Variants in CCDC15 observed in about 807,000 individuals in gnomAD.
CCDC15 encodes coiled-coil domain-containing protein 15.
A neutral mutation model predicts 114.5 loss-of-function variants in CCDC15; 105 were observed. The observed-to-expected ratio is 0.92, with a 90% CI of 0.78 to 1.08. The LOEUF (loss-of-function observed/expected upper bound fraction) is 1.08, where lower values mean the gene tolerates loss of function less well. Ranked by LOEUF, CCDC15 falls within the 50% of genes least tolerant of loss-of-function variation. The probability of loss-of-function intolerance (pLI) is 0.00; values close to 1 mark genes in which losing one functional copy is unlikely to be tolerated. For missense variants in CCDC15, 1,105 were observed against 1,093.6 expected (o/e 1.01, Z -0.15); for synonymous variants, 334 against 377.8 (o/e 0.88, Z 1.34).
At chr11:125,031,715 C>G (rs1197584135) in intron 13 of CCDC15, among the ~76,000 whole-genome samples, 1 of 152,230 alleles carries the variant, frequency 6.6e-6, no homozygotes, top group African/African-American at 2.4e-5. Context: ...GCATCCTTAT[C>G]TGCCACTGAC....
At chr11:124,991,060 G>A (rs1040222822) in intron 8 of CCDC15, among the ~76,000 whole-genome samples, 3 of 152,166 alleles carry the variant, frequency 2.0e-5, no homozygotes, top group African/African-American at 7.2e-5. Flanking sequence ...CATTCTTAAC[G>A]GAGCAATTGA....
intron 5 of CCDC15, among the ~76,000 whole-genome samples, chr11:124,976,938 A>G (rs1947983844): frequency 6.6e-6 from 1 of 152,116 alleles, no homozygotes; most frequent in African/African-American, 2.4e-5. Context: ...ACTCAATACA[A>G]TTGGGAATGA....
chr11:124,963,406 T>C (rs1055052448), intron 4 of CCDC15, among the ~76,000 whole-genome samples: 31 of 152,346 alleles, frequency 2.0e-4, no homozygotes, highest in African/African-American at 6.7e-4. Context: ...TGATGAGCAT[T>C]TTTTCATGTG....
chr11:125,003,191 G>T (rs1279165540), intron 11 of CCDC15, among the ~76,000 whole-genome samples: 1 of 151,732 alleles, frequency 6.6e-6, no homozygotes, highest in African/African-American at 2.4e-5. Context: ...TTTCTAGATT[G>T]TTCTTTACAA....
chr11:125,035,836 AAACT>A (rs1189250106), intron 13 of CCDC15, among the ~76,000 whole-genome samples: 2 of 152,354 alleles, frequency 1.3e-5, no homozygotes, highest in South Asian at 2.1e-4. Flanking sequence ...TTACATAAAC[AAACT>A]AACAAGTAAA....
chr11:124,972,402 C>T (rs1947901864), intron 4 of CCDC15, among the ~76,000 whole-genome samples: 1 of 152,112 alleles, frequency 6.6e-6, no homozygotes, highest in South Asian at 2.1e-4. Flanking sequence ...GACATTCACA[C>T]AATTACATAT....
chr11:125,040,946 T>C lies in CCDC15; in HGVS notation c.*235T>C. ...ATACGGAGCCTATTATTTTAAAATA[T>C]GATCAGACAAGTAAGGCTTCTCTTA... On this transcript the variant is annotated 3_prime_UTR_variant, in exon 16 of 16. Transcript: ENST00000344762. 2.2e-6 allele frequency: 1 copy of C among 452,556 alleles called. No homozygotes were observed. The highest frequency in any genetic ancestry group is 3.3e-5 in the South Asian group (1 of 30,452). 28.0% of individuals were successfully genotyped at this position (452,556 alleles called of 1,614,324 possible).
At chr11:125,020,433 A>C (rs537889427) in intron 13 of CCDC15, among the ~76,000 whole-genome samples, 4 of 152,098 alleles carry the variant, frequency 2.6e-5, no homozygotes, top group African/African-American at 9.6e-5. Context: ...TAAGTTGTTG[A>C]AATTGTAAGA....
At chr11:125,034,223 C>T (rs114859528) in intron 13 of CCDC15, among the ~76,000 whole-genome samples, 9,802 of 151,918 alleles carry the variant, frequency 0.065, 368 homozygotes, top group African/African-American at 0.1. Flanking sequence ...CTGTTTCTTC[C>T]GGCAAAAAAA....
In CCDC15 at chr11:124,977,458, T is replaced by C; in HGVS notation, c.631-20T>C. ...TGCTTCCTCTAGACCTATTTATATT[T>C]GTAGTAATTTTTTTTCCAGGAAGTG... On this transcript the variant is annotated intron_variant, in intron 5 of 15. Transcript: ENST00000344762. The C allele has an allele frequency of 9.6e-6, 15 of 1,563,478 alleles. No homozygotes were observed. The highest frequency in any genetic ancestry group is 1.3e-5 in the Non-Finnish European group (15 of 1,155,876).
chr11:124,986,434 T>C (rs528220628), intron 6 of CCDC15, among the ~76,000 whole-genome samples: 47 of 152,338 alleles, frequency 3.1e-4, no homozygotes, highest in Non-Finnish European at 6.6e-4. Flanking sequence ...TTGAGAAATA[T>C]TACCATCTTA....
intron 4 of CCDC15, among the ~76,000 whole-genome samples, chr11:124,963,854 T>A (rs898885701): frequency 6.6e-6 from 1 of 152,256 alleles, no homozygotes; most frequent in African/African-American, 2.4e-5. Context: ...TTCAGCTTTC[T>A]ACATATGGCT....
intron 6 of CCDC15, among the ~76,000 whole-genome samples, chr11:124,984,991 C>A (rs1002254528): frequency 2.0e-5 from 3 of 152,150 alleles, no homozygotes; most frequent in African/African-American, 7.2e-5. Context: ...TAAGAGAAAC[C>A]CTCTATCTCA....
intron 6 of CCDC15, 42 bp from the exon 7 acceptor site, chr11:124,986,700 T>TGTGTGCGTGCGCGC (rs878887902): frequency 7.7e-7 from 1 of 1,298,020 alleles, no homozygotes; most frequent in African/African-American, 1.7e-5. Context: ...TTTGTGTGTG[T>TGTGTGCGTGCGCGC]GCGCGCGCGC....
chr11:124,959,056 A>G (rs985790345), intron 2 of CCDC15, 59 bp from the exon 3 acceptor site: 3 of 1,189,782 alleles, frequency 2.5e-6, no homozygotes, highest in Non-Finnish European at 3.5e-6. Flanking sequence ...TGTTTAAAAC[A>G]GCCCTAATGG....
chr11:124,988,133 A>T lies in CCDC15; in HGVS notation c.1907A>T (p.Gln636Leu), dbSNP rs1216967248. The T allele has an allele frequency of 6.2e-7, 1 of 1,607,330 alleles. No individual in the cohort carries two copies. The highest frequency in any genetic ancestry group is 8.5e-7 in the Non-Finnish European group (1 of 1,177,486). Residue 636 changes from glutamine to leucine, a missense_variant and splice_region_variant, in exon 8 of 16, where the codon CAG (glutamine) becomes CTG (leucine). By Grantham distance (113) the Gln-to-Leu change is moderately radical (BLOSUM62 -2). Transcript: ENST00000344762. ...CQDQDFLPKY[Q>L]KVHFKEPYSD... ...GACCAAGATTTTCTACCAAAATATC[A>T]GGTAAAATAGAGCAGAAAGGAGATA... is the stretch of plus-strand genomic sequence containing the variant.
chr11:125,003,726 C>A (rs771506175), intron 11 of CCDC15, 141 bp from the exon 12 acceptor site: 8 of 549,808 alleles, frequency 1.5e-5, no homozygotes, highest in Non-Finnish European at 1.9e-5. Flanking sequence ...TGATTTTATT[C>A]TTTATATTCA....
chr11:124,971,860 A>C (rs891868068), intron 4 of CCDC15, among the ~76,000 whole-genome samples: 7 of 152,130 alleles, frequency 4.6e-5, no homozygotes, highest in Non-Finnish European at 5.9e-5. Context: ...TAATTAAAAA[A>C]AATTTAGGCA....
At chr11:124,972,044 G>C (rs1262419233) in intron 4 of CCDC15, among the ~76,000 whole-genome samples, 1 of 152,100 alleles carries the variant, frequency 6.6e-6, no homozygotes, top group East Asian at 1.9e-4. Flanking sequence ...ATTAGTCACA[G>C]CTGATCTATG....
Sources: gnomAD v4.1 joint callset for allele counts (sites outside exome capture counted in the v4.1 genomes callset) on GRCh38, gnomAD v4.1.1 for gene constraint, MANE v1.5 for transcripts, NCBI Gene and HGNC (gene_info 2026-07-23, HGNC 2026-07-21) for gene names.